Variants in TMED3 observed in about 807,000 individuals in gnomAD.
TMED3 encodes the protein transmembrane p24 trafficking protein 3.
TMED3 carries 9 observed loss-of-function variants against 15.0 expected under a neutral mutation model. The ratio of observed to expected loss-of-function variants is 0.60; its 90% CI spans 0.36 to 1.04. The LOEUF (loss-of-function observed/expected upper bound fraction) is 1.04, where lower values mean the gene tolerates loss of function less well. TMED3 is among the 50% of genes least tolerant of loss of function. The pLI, the probability that TMED3 is intolerant of heterozygous loss-of-function variation, is 0.01. For synonymous variants in TMED3, 117 were observed against 121.4 expected, an observed-to-expected ratio of 0.96 and a Z score of 0.24; for missense variants, 267 against 278.9, an observed-to-expected ratio of 0.96 and a Z score of 0.30.
intron 2 of TMED3, among the ~76,000 whole-genome samples, chr15:79,386,723 A>AT (rs1893631761): frequency 6.4e-5 from 4 of 62,910 alleles, no homozygotes; most frequent in African/African-American, 1.7e-4. Flanking sequence ...TTTTTTTTGT[A>AT]TTTTTAGTAG....
chr15:79,379,456 A>G (rs1893482779), intron 2 of TMED3, among the ~76,000 whole-genome samples: 3 of 152,242 alleles, frequency 2.0e-5, no homozygotes, highest in Admixed American at 2.0e-4. Flanking sequence ...TTCAAAAAAT[A>G]GTATTTTCCA....
intron 2 of TMED3, among the ~76,000 whole-genome samples, chr15:79,410,409 C>T (rs755341302): frequency 2.7e-4 from 41 of 152,242 alleles, no homozygotes; most frequent in Non-Finnish European, 4.3e-4. Context: ...CATCTAATTG[C>T]ATCTTCCTAA....
chr15:79,375,713 G>A (rs1595904631), intron 2 of TMED3, among the ~76,000 whole-genome samples: 1 of 152,090 alleles, frequency 6.6e-6, no homozygotes, highest in African/African-American at 2.4e-5. Flanking sequence ...AGAGGATGGT[G>A]CTAAATCATT....
intron 2 of TMED3, among the ~76,000 whole-genome samples, chr15:79,392,788 C>T (rs552875198): frequency 7.9e-5 from 12 of 152,276 alleles, no homozygotes; most frequent in African/African-American, 2.9e-4. Context: ...TTCTTTTCTT[C>T]TAAAAGGTAC....
chr15:79,400,856 T>A (rs987457316), intron 2 of TMED3, among the ~76,000 whole-genome samples: 1 of 152,222 alleles, frequency 6.6e-6, no homozygotes, highest in Non-Finnish European at 1.5e-5. Context: ...TGAATAATAA[T>A]TCTCCTGTGG....
rs1487873850 is a variant in TMED3, at chr15:79,313,772, C to T, written c.184C>T (p.His62Tyr). 1.2e-6 allele frequency: 2 copies of T among 1,613,896 alleles called. No homozygotes were observed. Among genetic ancestry groups the T allele is most frequent in the South Asian group, 1.1e-5 (1 of 91,074 alleles). ...TGGTTGTCAGGTCATCACTGGAGGC[C>T]ACTACGATGTTGACTGCTATGTAGA... ...SLDYQVITGG[H>Y]YDVDCYVEDP... The change falls in exon 2 of 3, where the codon CAC becomes TAC. Residue 62 changes from histidine (H) to tyrosine (Y), a missense_variant. By Grantham distance (83) the His-to-Tyr change is moderately conservative (BLOSUM62 2). Transcript: ENST00000299705.
At chr15:79,405,873 T>C (rs1893896234) in intron 2 of TMED3, among the ~76,000 whole-genome samples, 1 of 152,226 alleles carries the variant, frequency 6.6e-6, no homozygotes. Context: ...TGTGTACTCC[T>C]GTCCTTCCCA....
chr15:79,366,204 G>T (rs573259200), intron 2 of TMED3, among the ~76,000 whole-genome samples: 2 of 152,248 alleles, frequency 1.3e-5, no homozygotes, highest in African/African-American at 2.4e-5. Flanking sequence ...TTACCTTCCT[G>T]CTACCTTGGC....
intron 2 of TMED3, among the ~76,000 whole-genome samples, chr15:79,331,542 CA>C (rs71451761): frequency 0.16 from 14,489 of 89,064 alleles, 842 homozygotes; most frequent in African/African-American, 0.23. Context: ...GCAAAAGAAG[CA>C]AAAAAAAAAA....
chr15:79,405,079 G>T lies in TMED3; in HGVS notation c.418-6321G>T, dbSNP rs1049651449. ...CCCAATTCTGAATATACAATGTTCA[G>T]CATGACTTAGTGCATCTGAAAAATA... On this transcript the variant is annotated intron_variant, in intron 2 of 2. Coordinates refer to the TMED3 transcript ENST00000424155. Among the ~76,000 whole-genome samples the T allele has an allele frequency of 3.9e-5, 6 of 152,288 alleles. No individual in the cohort carries two copies. The East Asian group carries it at 9.7e-4, about 24-fold the overall frequency.
chr15:79,367,736 A>T (rs1313547912), intron 2 of TMED3, among the ~76,000 whole-genome samples: 2 of 152,236 alleles, frequency 1.3e-5, no homozygotes, highest in Non-Finnish European at 2.9e-5. Flanking sequence ...AAATTTCAGA[A>T]AAGTAGAAGT....
rs148174336 is a variant in TMED3, at chr15:79,365,715, T to G, written c.418-45685T>G. ...CTGTGGAGATATTTAACCTTTTATC[T>G]GTAGCTCTCTGCTTAGGAGCAAAAG... On this transcript the variant is annotated intron_variant, in intron 2 of 2. Coordinates refer to the TMED3 transcript ENST00000424155. Among the ~76,000 whole-genome samples, 682 of 152,362 alleles carry G rather than the reference T, an allele frequency of 4.5e-3. 1 individual carries two copies. The highest frequency in any genetic ancestry group is 0.015 in the African/African-American group (633 of 41,586).
intron 2 of TMED3, among the ~76,000 whole-genome samples, chr15:79,319,826 G>A (rs980308943): frequency 1.3e-5 from 2 of 152,198 alleles, no homozygotes; most frequent in Non-Finnish European, 2.9e-5. Flanking sequence ...GACAGCTTAT[G>A]CCATTATTTC....
intron 2 of TMED3, among the ~76,000 whole-genome samples, chr15:79,359,182 A>T (rs940613816): frequency 6.7e-6 from 1 of 150,082 alleles, no homozygotes. Flanking sequence ...CTGTGTGCTT[A>T]TTTGCATACC....
At chr15:79,331,396 C>A (rs552359015) in intron 2 of TMED3, among the ~76,000 whole-genome samples, 1 of 96,218 alleles carries the variant, frequency 1.0e-5, no homozygotes, top group African/African-American at 3.5e-5. Context: ...TCACCCAACA[C>A]AAAAATCCAC....
At chr15:79,338,669 C>T (rs1054110843) in intron 2 of TMED3, among the ~76,000 whole-genome samples, 3 of 152,102 alleles carry the variant, frequency 2.0e-5, no homozygotes, top group Non-Finnish European at 2.9e-5. Context: ...AATCCTTGCT[C>T]TATAATCATA....
At chr15:79,326,542 T>G (rs1010112439), downstream of TMED3, among the ~76,000 whole-genome samples, 3 of 152,220 alleles carry the variant, frequency 2.0e-5, no homozygotes. Flanking sequence ...GGGCTTTACC[T>G]TAACCCTGCC....
intron 2 of TMED3, chr15:79,383,861 A>T (rs1157958489): frequency 6.6e-6 from 1 of 152,232 alleles, no homozygotes; most frequent in Non-Finnish European, 1.5e-5. Context: ...AAGGGCTTAA[A>T]TGTTACCTTC....
intron 2 of TMED3, among the ~76,000 whole-genome samples, chr15:79,331,770 T>A (rs1436125076): frequency 6.6e-6 from 1 of 152,136 alleles, no homozygotes; most frequent in African/African-American, 2.4e-5. Flanking sequence ...AAAGAAGACA[T>A]ATAAATGGCC....
Sources: gnomAD v4.1 joint callset for allele counts (sites outside exome capture counted in the v4.1 genomes callset) on GRCh38, gnomAD v4.1.1 for gene constraint, MANE v1.5 for transcripts, NCBI Gene and HGNC (gene_info 2026-07-23, HGNC 2026-07-21) for gene names.